PGP: variants seen among roughly 807,000 people sequenced by gnomAD.
The protein encoded by PGP is aspartate-based ubiquitous Mg(2+)-dependent phosphatase.
Under a neutral mutation model 19.3 loss-of-function variants are expected in PGP, and 9 were observed. That is an observed-to-expected ratio of 0.47 (90% CI 0.28 to 0.81). The LOEUF (loss-of-function observed/expected upper bound fraction) is 0.81. Ranked by LOEUF, PGP falls within the 40% of genes least tolerant of loss-of-function variation. PGP has a pLI of 0.11. For synonymous variants in PGP, 308 were observed against 226.8 expected (o/e 1.36, Z -3.22); for missense variants, 403 against 479.9 (o/e 0.84, Z 1.50).
Position 2,214,106 on chromosome 16 carries a change from C to A in PGP, c.640+32G>T. 3.9e-6 allele frequency: 6 copies of A among 1,545,454 alleles called. No homozygotes were observed. Among genetic ancestry groups the A allele is most frequent in the Non-Finnish European group, 5.2e-6 (6 of 1,153,198 alleles). On this transcript the variant is annotated intron_variant, in intron 1 of 1. Transcript: ENST00000333503. The surrounding 1 kb of genome is among the most constrained non-coding windows in gnomAD (Gnocchi z 7.1). ...GGGCAGGGAGGGGGCCCGCCGCCCG[C>A]CCCCCAGCCTCCCGCCCCAGGGCGC...
At position 2,212,800 on chromosome 16, in the gene PGP, C is replaced by G; in HGVS notation, c.*928G>C. The G allele has an allele frequency of 2.0e-6, 2 of 985,518 alleles. No homozygotes were observed. Among genetic ancestry groups the G allele is most frequent in the East Asian group, 1.1e-4 (1 of 8,818 alleles). 61.0% of individuals were successfully genotyped at this position (985,518 alleles called of 1,614,324 possible). ...ATTCCTTGGCCAACACATGCTTCAG[C>G]CGCGCTGCCGGCTGCAGGGCACAGA... On this transcript the variant is annotated 3_prime_UTR_variant, in exon 2 of 2. Coordinates refer to ENST00000333503, the MANE Select transcript of PGP (RefSeq NM_001042371.3).
Position 2,214,508 on chromosome 16 carries a change from C to T in PGP, c.270G>A (p.Ala90=), listed in dbSNP as rs893849668. The T allele has an allele frequency of 8.4e-6, 12 of 1,424,962 alleles. No individual in the cohort carries two copies. In the Admixed American group the frequency reaches 3.2e-4, roughly 38 times the overall value. 88.3% of individuals were successfully genotyped at this position (1,424,962 alleles called of 1,614,324 possible). ...AGACCTCCAGGCTGGCGCCGGGCCC[C>T]GCGGGGCCGCCGAAGCCCAGGCGCC... ...KLRRLGFGGP[A]GPGASLEVFG... The change falls in exon 1 of 2, where the codon GCG becomes GCA. Residue 90 remains alanine, a synonymous_variant. Transcript: ENST00000333503. The surrounding 1 kb of genome is among the most constrained non-coding windows in gnomAD (Gnocchi z 7.1).
Position 2,211,614 on chromosome 16 carries a change from C to T in PGP, c.*2114G>A, listed in dbSNP as rs924439309. ...TGTATTTTTAGTAGAGATGGGTTTT[C>T]ACCATTTTGGCCAGGCTGGTCTTGA... On this transcript the variant is annotated 3_prime_UTR_variant, in exon 2 of 2. Coordinates refer to ENST00000333503, the MANE Select transcript of PGP (RefSeq NM_001042371.3). 6.7e-6 allele frequency: 6 copies of T among 899,962 alleles called. No homozygotes were observed. Among genetic ancestry groups the T allele is most frequent in the Non-Finnish European group, 8.0e-6 (6 of 752,128 alleles). The allele number at this position is 899,962 out of a possible 1,614,324, so 55.7% of individuals were successfully genotyped here.
chr16:2,213,929 G>T lies in PGP; in HGVS notation c.765C>A (p.Thr255=). The T allele has an allele frequency of 6.2e-7, 1 of 1,613,050 alleles. No individual in the cohort carries two copies. Among genetic ancestry groups the T allele is most frequent in the Non-Finnish European group, 8.5e-7 (1 of 1,179,494 alleles). ...TGTCCAGGCGGTCTCCCACCATGAC[G>T]GTGCGCTCGGGGTTGATGCCGTATT... is the stretch of plus-strand genomic sequence containing the variant. ...SQEYGINPER[T]VMVGDRLDTD... is the part of the protein sequence containing the mutation. Residue 255 remains threonine, a synonymous_variant, in exon 2 of 2, where the codon ACC becomes ACA. Coordinates refer to ENST00000333503, the MANE Select transcript of PGP (RefSeq NM_001042371.3).
Position 2,213,167 on chromosome 16 carries a change from G to A in PGP, c.*561C>T. 2 of 985,510 alleles carry A rather than the reference G, an allele frequency of 2.0e-6. No homozygotes were observed. Among genetic ancestry groups the A allele is most frequent in the Non-Finnish European group, 2.4e-6 (2 of 829,976 alleles). 61.0% of individuals were successfully genotyped at this position (985,510 alleles called of 1,614,324 possible). A position where few individuals can be genotyped will look rare whatever the true frequency, so the allele number is the denominator to read the frequency against. ...GTAAGGGAGGTGGGAGAGTGGTGAGGGCAGCACTTTGCACCCAAGGGCAGG... is the reference window on the plus strand; with the variant it reads ...GTAAGGGAGGTGGGAGAGTGGTGAGAGCAGCACTTTGCACCCAAGGGCAGG... On this transcript the variant is annotated 3_prime_UTR_variant, in exon 2 of 2. Coordinates refer to ENST00000333503, the MANE Select transcript of PGP (RefSeq NM_001042371.3).
Position 2,212,644 on chromosome 16 carries a change from T to G in PGP, c.*1084A>C, listed in dbSNP as rs549351384. 10 of 985,464 alleles carry G rather than the reference T, an allele frequency of 1.0e-5. No homozygotes were observed. In the East Asian group the frequency reaches 1.0e-3, roughly 101 times the overall value. 61.0% of individuals were successfully genotyped at this position (985,464 alleles called of 1,614,324 possible). ...GGAGGACAGGAAGAGACTGGATGCT[T>G]TGTAAAGGACTTCCTGTTCTTGGGG... On this transcript the variant is annotated 3_prime_UTR_variant, in exon 2 of 2. Coordinates refer to ENST00000333503, the MANE Select transcript of PGP (RefSeq NM_001042371.3).
In PGP at chr16:2,214,230, T is replaced by A. The variant is rs1242697567; in HGVS notation, c.548A>T (p.Lys183Met). 1 of 1,594,274 alleles carries A rather than the reference T, an allele frequency of 6.3e-7. No homozygotes were observed. The highest frequency in any genetic ancestry group is 8.5e-7 in the Non-Finnish European group (1 of 1,178,430). ...GGGCTGCTGCAGGTAGCGCAGGGCC[T>A]TGGTGAGCTTCATGTAGCTGAAGTG... ...DPHFSYMKLT[K>M]ALRYLQQPGC... Residue 183 changes from lysine to methionine, a missense_variant, in exon 1 of 2, where the codon AAG becomes ATG. Transcript: ENST00000333503. The surrounding 1 kb of genome is among the most constrained non-coding windows in gnomAD (Gnocchi z 7.1).
chr16:2,213,407 C>T lies in PGP; in HGVS notation c.*321G>A, dbSNP rs995234004. On this transcript the variant is annotated 3_prime_UTR_variant, in exon 2 of 2. Transcript: ENST00000333503. ...AATACAGGACACACACCCCTAGACC[C>T]GCCTCAGTCCCATCGGCAGGCCCTG... The T allele has an allele frequency of 3.0e-6, 3 of 1,000,158 alleles. No homozygotes were observed. The highest frequency in any genetic ancestry group is 3.7e-6 in the Non-Finnish European group (3 of 821,174). The allele number at this position is 1,000,158 out of a possible 1,614,324, so 62.0% of individuals were successfully genotyped here. A position where few individuals can be genotyped will look rare whatever the true frequency, so the allele number is the denominator to read the frequency against.
rs1327860197 is a variant in PGP at position 2,214,638 on chromosome 16, G to C, written c.140C>G (p.Pro47Arg). The C allele has an allele frequency of 2.1e-6, 3 of 1,446,338 alleles. No individual in the cohort carries two copies. Among genetic ancestry groups the C allele is most frequent in the Admixed American group, 5.0e-5 (2 of 39,666 alleles). The allele number at this position is 1,446,338 out of a possible 1,614,324, so 89.6% of individuals were successfully genotyped here. ...GVLWRGETAV[P>R]GAPEALRALR... ...CGCCCGCAGGGCCTCGGGCGCGCCA[G>C]GCACGGCGGTCTCCCCGCGCCACAG... Residue 47 changes from proline to arginine, a missense_variant, in exon 1 of 2, where the codon CCT becomes CGT. Transcript: ENST00000333503. The surrounding 1 kb of genome is among the most constrained non-coding windows in gnomAD (Gnocchi z 7.1).
At position 2,214,081 on chromosome 16, in the gene PGP, G is replaced by A. The variant is rs2093382006; in HGVS notation, c.641-28C>T. ...GCGGGGCACAGGGGACCGGGTCAAA[G>A]GGCAGGGAGGGGGCCCGCCGCCCGC... On this transcript the variant is annotated intron_variant, in intron 1 of 1. Coordinates refer to ENST00000333503, the MANE Select transcript of PGP (RefSeq NM_001042371.3). This position sits in a 1 kb window ranked among gnomAD's most constrained non-coding sequence, Gnocchi z 7.1. The A allele has an allele frequency of 3.8e-6, 6 of 1,592,982 alleles. No individual in the cohort carries two copies. Among genetic ancestry groups the A allele is most frequent in the Non-Finnish European group, 5.1e-6 (6 of 1,175,404 alleles).
Position 2,211,788 on chromosome 16 carries a change from G to A in PGP, c.*1940C>T, listed in dbSNP as rs2093376045. The A allele has an allele frequency of 2.0e-6, 2 of 985,428 alleles. No homozygotes were observed. The highest frequency in any genetic ancestry group is 3.5e-5 in the African/African-American group (2 of 57,208). The allele number at this position is 985,428 out of a possible 1,614,324, so 61.0% of individuals were successfully genotyped here. On this transcript the variant is annotated 3_prime_UTR_variant, in exon 2 of 2. Transcript: ENST00000333503. ...CGGCAGCCCACCAGCTTCACTCCAG[G>A]GCCCTTTGCTTCCCTGGCTTCCCTT... is the stretch of plus-strand genomic sequence containing the variant.
In PGP at chr16:2,213,187, G is replaced by A; in HGVS notation, c.*541C>T. The A allele has an allele frequency of 3.0e-6, 3 of 985,624 alleles. No individual in the cohort carries two copies. Among genetic ancestry groups the A allele is most frequent in the Non-Finnish European group, 3.6e-6 (3 of 830,008 alleles). The allele number at this position is 985,624 out of a possible 1,614,324, so 61.1% of individuals were successfully genotyped here. On this transcript the variant is annotated 3_prime_UTR_variant, in exon 2 of 2. Transcript: ENST00000333503. The stretch of plus-strand genomic sequence containing the variant: ...GTGAGGGCAGCACTTTGCACCCAAG[G>A]GCAGGGAGATGCCACCTGGGAGCAG...
Position 2,213,685 on chromosome 16 carries a change from C to T in PGP, c.*43G>A. The T allele has an allele frequency of 6.8e-7, 1 of 1,476,446 alleles. No homozygotes were observed. The highest frequency in any genetic ancestry group is 1.4e-5 in the South Asian group (1 of 69,804). 91.5% of individuals were successfully genotyped at this position (1,476,446 alleles called of 1,614,324 possible). A position where few individuals can be genotyped will look rare whatever the true frequency, so the allele number is the denominator to read the frequency against. ...CCTATTAATTTGGGTAACTGGTTTT[C>T]AATTTCTTTTTTTTTATTCTGCAGA... On this transcript the variant is annotated 3_prime_UTR_variant, in exon 2 of 2. Coordinates refer to ENST00000333503, the MANE Select transcript of PGP (RefSeq NM_001042371.3).
In PGP at chr16:2,212,230, G is replaced by T; in HGVS notation, c.*1498C>A. 1 of 985,900 alleles carries T rather than the reference G, an allele frequency of 1.0e-6. No homozygotes were observed. The highest frequency in any genetic ancestry group is 1.2e-6 in the Non-Finnish European group (1 of 830,030). 61.1% of individuals were successfully genotyped at this position (985,900 alleles called of 1,614,324 possible). A position where few individuals can be genotyped will look rare whatever the true frequency, so the allele number is the denominator to read the frequency against. ...GCCTCATGGGTGGAGCCACCCTCATGCTGCTCTGCAGCACCCTCTGAACCC... is the reference window on the plus strand; with the variant it reads ...GCCTCATGGGTGGAGCCACCCTCATTCTGCTCTGCAGCACCCTCTGAACCC... On this transcript the variant is annotated 3_prime_UTR_variant, in exon 2 of 2. Transcript: ENST00000333503.
At position 2,214,528 on chromosome 16, in the gene PGP, G is replaced by A. The variant is rs11546824; in HGVS notation, c.250C>T (p.Leu84=). The change falls in exon 1 of 2, where the codon CTG becomes TTG. Residue 84 remains leucine, a synonymous_variant. Transcript: ENST00000333503. This position sits in a 1 kb window ranked among gnomAD's most constrained non-coding sequence, Gnocchi z 7.1. ...RAAYAEKLRR[L]GFGGPAGPGA... The stretch of plus-strand genomic sequence containing the variant: ...GGCCCCGCGGGGCCGCCGAAGCCCA[G>A]GCGCCGCAGCTTCTCGGCGTAGGCA... 3,442 of 1,447,612 alleles carry A rather than the reference G, an allele frequency of 2.4e-3. 82 individuals carry two copies. The African/African-American group carries it at 0.042, about 18-fold the overall frequency. The allele number at this position is 1,447,612 out of a possible 1,614,324, so 89.7% of individuals were successfully genotyped here. A position where few individuals can be genotyped will look rare whatever the true frequency, so the allele number is the denominator to read the frequency against.
In PGP at chr16:2,212,495, G is replaced by T; in HGVS notation, c.*1233C>A. 1 of 985,554 alleles carries T rather than the reference G, an allele frequency of 1.0e-6. No individual in the cohort carries two copies. The highest frequency in any genetic ancestry group is 1.2e-6 in the Non-Finnish European group (1 of 829,990). The allele number at this position is 985,554 out of a possible 1,614,324, so 61.1% of individuals were successfully genotyped here. Reference sequence around the variant, plus strand: ...AGCAGGCAGGAGAGGCTGGAGCCCCGCCCAGAACCTTGGCGAGCTGGTGGC... The same window carrying T: ...AGCAGGCAGGAGAGGCTGGAGCCCCTCCCAGAACCTTGGCGAGCTGGTGGC... On this transcript the variant is annotated 3_prime_UTR_variant, in exon 2 of 2. Coordinates refer to ENST00000333503, the MANE Select transcript of PGP (RefSeq NM_001042371.3).
rs1315367000 is a variant in PGP at position 2,212,305 on chromosome 16, T to C, written c.*1423A>G. 2 of 985,896 alleles carry C rather than the reference T, an allele frequency of 2.0e-6. No individual in the cohort carries two copies. The highest frequency in any genetic ancestry group is 2.3e-4 in the East Asian group (2 of 8,830). The allele number at this position is 985,896 out of a possible 1,614,324, so 61.1% of individuals were successfully genotyped here. On this transcript the variant is annotated 3_prime_UTR_variant, in exon 2 of 2. Coordinates refer to ENST00000333503, the MANE Select transcript of PGP (RefSeq NM_001042371.3). ...GAAGGCTCAGGACGCCTCTTATTGCTCTGAAGTCTTTGTGACCAAGTGGAG... is the reference window on the plus strand; with the variant it reads ...GAAGGCTCAGGACGCCTCTTATTGCCCTGAAGTCTTTGTGACCAAGTGGAG...
Position 2,212,777 on chromosome 16 carries a change from T to G in PGP, c.*951A>C, listed in dbSNP as rs1239522085. On this transcript the variant is annotated 3_prime_UTR_variant, in exon 2 of 2. Coordinates refer to ENST00000333503, the MANE Select transcript of PGP (RefSeq NM_001042371.3). ...TGCAGGGCACCTGGATGACAGGCATTCCTTGGCCAACACATGCTTCAGCCG... is the reference window on the plus strand; with the variant it reads ...TGCAGGGCACCTGGATGACAGGCATGCCTTGGCCAACACATGCTTCAGCCG... The G allele has an allele frequency of 1.0e-6, 1 of 985,312 alleles. No individual in the cohort carries two copies. Among genetic ancestry groups the G allele is most frequent in the Non-Finnish European group, 1.2e-6 (1 of 829,934 alleles). The allele number at this position is 985,312 out of a possible 1,614,324, so 61.0% of individuals were successfully genotyped here. A position where few individuals can be genotyped will look rare whatever the true frequency, so the allele number is the denominator to read the frequency against.
Position 2,214,719 on chromosome 16 carries a change from C to A in PGP, c.59G>T (p.Arg20Leu). 2 of 1,352,608 alleles carry A rather than the reference C, an allele frequency of 1.5e-6. No homozygotes were observed. The highest frequency in any genetic ancestry group is 9.5e-7 in the Non-Finnish European group (1 of 1,049,904). 83.8% of individuals were successfully genotyped at this position (1,352,608 alleles called of 1,614,324 possible). The stretch of plus-strand genomic sequence containing the variant: ...CACGTCGGCCAGCAGCGCCTGTGCC[C>A]GCTCGGCGCTCAGCCGCACGCAGCG... ...DARCVRLSAERAQALLADVDT... is the reference protein window; with the variant it reads ...DARCVRLSAELAQALLADVDT... Residue 20 changes from arginine (R) to leucine (L), a missense_variant, in exon 1 of 2, where the codon CGG becomes CTG. By Grantham distance (102) the Arg-to-Leu change is moderately radical. Coordinates refer to ENST00000333503, the MANE Select transcript of PGP (RefSeq NM_001042371.3). This position sits in a 1 kb window ranked among gnomAD's most constrained non-coding sequence, Gnocchi z 7.1.
Sources: gnomAD v4.1 joint callset for allele counts on GRCh38, gnomAD v4.1.1 for gene constraint, Gnocchi (gnomAD v3.1) non-coding constraint, MANE v1.5 for transcripts, NCBI Gene and HGNC (gene_info 2026-07-23, HGNC 2026-07-21) for gene names.